The following SOX6 variants were observed in gnomAD, a reference collection of about 807,000 sequenced individuals.
SOX6 encodes the protein SRY-box transcription factor 6.
Under a neutral mutation model 97.8 loss-of-function variants are expected in SOX6, and 11 were observed. The observed-to-expected ratio is 0.11, with a 90% CI of 0.07 to 0.19. The LOEUF is 0.19. Among genes scored for constraint, SOX6 ranks in the 10% least tolerant of loss-of-function variants. SOX6 has a pLI of 1.00. For missense variants in SOX6, 810 were observed against 1,039.5 expected (o/e 0.78, Z 3.04); for synonymous variants, 360 against 371.4 (o/e 0.97, Z 0.35).
intron 6 of SOX6, among the ~76,000 whole-genome samples, chr11:16,119,389 C>A (rs992371972): frequency 6.6e-6 from 1 of 152,166 alleles, no homozygotes; most frequent in African/African-American, 2.4e-5. Context: ...TACTCTGCTT[C>A]GCCCTTCCTT....
intron 13 of SOX6, among the ~76,000 whole-genome samples, chr11:16,000,809 A>G (rs1854384620): frequency 6.6e-6 from 1 of 152,134 alleles, no homozygotes; most frequent in Non-Finnish European, 1.5e-5. Context: ...CACATAAAAA[A>G]TTCCATTGGG....
chr11:16,127,448 A>G (rs77761309), intron 6 of SOX6, among the ~76,000 whole-genome samples: 3,633 of 152,172 alleles, frequency 0.024, 144 homozygotes, highest in African/African-American at 0.083. Flanking sequence ...ATTATGCTCA[A>G]ATATAACAAA....
At chr11:16,638,355 G>A (rs548392383) in intron 3 of SOX6, among the ~76,000 whole-genome samples, 33 of 152,084 alleles carry the variant, frequency 2.2e-4, no homozygotes, top group African/African-American at 6.5e-4. Context: ...GAATAGTGCC[G>A]CAATAAACAT....
At chr11:16,131,909 A>G (rs1849750158) in intron 6 of SOX6, among the ~76,000 whole-genome samples, 1 of 152,002 alleles carries the variant, frequency 6.6e-6, no homozygotes, top group African/African-American at 2.4e-5. Flanking sequence ...CAGGGTTTCA[A>G]TGGGGGATGC....
rs1461215687 is a variant in SOX6, at chr11:16,121,480, C to A, written c.778-9557G>T. 8.6e-5 allele frequency among the ~76,000 whole-genome samples: 13 copies of A among 151,992 alleles called. No homozygotes were observed. The South Asian group carries it at 2.7e-3, about 31-fold the overall frequency. Reference sequence around the variant, plus strand: ...GCTGGGCAGTAGAAATATAAAAGTGCCTTAAAGACATCTATAGCCTTGTTT... The same window carrying A: ...GCTGGGCAGTAGAAATATAAAAGTGACTTAAAGACATCTATAGCCTTGTTT... On this transcript the variant is annotated intron_variant, in intron 6 of 15. Transcript: ENST00000683767.
intron 1 of SOX6, among the ~76,000 whole-genome samples, chr11:16,474,518 C>T (rs1357633597): frequency 6.6e-6 from 1 of 152,192 alleles, no homozygotes; most frequent in African/African-American, 2.4e-5. Flanking sequence ...TCTCCATGTA[C>T]ATCTCCATCT....
chr11:16,468,773 G>A (rs189435157), intron 1 of SOX6, among the ~76,000 whole-genome samples: 46 of 152,250 alleles, frequency 3.0e-4, no homozygotes, highest in Non-Finnish European at 2.8e-4. Context: ...TGAAATTAGC[G>A]AAGATGAAAC....
At chr11:15,974,039 A>C (rs1235831345) in intron 15 of SOX6, among the ~76,000 whole-genome samples, 1 of 152,210 alleles carries the variant, frequency 6.6e-6, no homozygotes, top group African/African-American at 2.4e-5. Context: ...TGGCGAAAAT[A>C]TTATTTTCAT....
intron 3 of SOX6, among the ~76,000 whole-genome samples, chr11:16,624,184 T>TTTTATTTTATTTA (rs1554979377): frequency 1.2e-4 from 17 of 147,330 alleles, no homozygotes; most frequent in African/African-American, 4.2e-4. Context: ...TATTTTTTTA[T>TTTTATTTTATTTA]TTTATTTATT....
intron 4 of SOX6, among the ~76,000 whole-genome samples, chr11:16,604,708 C>G (rs1419616604): frequency 6.6e-6 from 1 of 152,252 alleles, no homozygotes; most frequent in African/African-American, 2.4e-5. Context: ...ATCTCGCTAA[C>G]AGCCCAGCCC....
intron 2 of SOX6, among the ~76,000 whole-genome samples, chr11:16,337,278 C>A (rs1378625164): frequency 6.6e-6 from 1 of 152,052 alleles, no homozygotes; most frequent in Admixed American, 6.6e-5. Context: ...AGTAGCTATA[C>A]ATAATTTGCA....
At chr11:16,645,302 T>G (rs1848996413) in intron 3 of SOX6, among the ~76,000 whole-genome samples, 1 of 152,256 alleles carries the variant, frequency 6.6e-6, no homozygotes, top group South Asian at 2.1e-4. Context: ...ACCCGTTGTT[T>G]CACCACTACA....
chr11:16,711,560 A>G (rs1292488746), intron 3 of SOX6, among the ~76,000 whole-genome samples: 1 of 152,160 alleles, frequency 6.6e-6, no homozygotes, highest in Non-Finnish European at 1.5e-5. Flanking sequence ...TTTAAGATAA[A>G]ATCTTAAAAT....
At chr11:16,145,471 A>G (rs962852575) in intron 6 of SOX6, among the ~76,000 whole-genome samples, 4 of 152,180 alleles carry the variant, frequency 2.6e-5, no homozygotes, top group African/African-American at 9.7e-5. Flanking sequence ...CACCACTCCT[A>G]TTCAACACAA....
At chr11:16,420,261 A>T (rs559151469) in intron 1 of SOX6, among the ~76,000 whole-genome samples, 1 of 152,286 alleles carries the variant, frequency 6.6e-6, no homozygotes, top group East Asian at 1.9e-4. Context: ...TTTAAAGGGA[A>T]GGTACATTTA....
chr11:16,109,903 C>T (rs1049735832), intron 7 of SOX6, among the ~76,000 whole-genome samples: 5 of 152,148 alleles, frequency 3.3e-5, no homozygotes, highest in Admixed American at 1.3e-4. Context: ...GTTTGGCCAA[C>T]ATAATCAAAT....
intron 4 of SOX6, among the ~76,000 whole-genome samples, chr11:16,234,017 AAAAAG>A (rs1397040954): frequency 2.0e-5 from 3 of 151,386 alleles, no homozygotes; most frequent in African/African-American, 4.8e-5. Context: ...AAAAAAAAAA[AAAAAG>A]AAAAGAAAAG....
intron 3 of SOX6, among the ~76,000 whole-genome samples, chr11:16,632,394 A>C (rs1218722796): frequency 2.0e-5 from 3 of 152,084 alleles, no homozygotes; most frequent in Non-Finnish European, 4.4e-5. Context: ...AGTAGATGGC[A>C]CTTATCAATA....
chr11:16,562,609 A>G (rs535035014), intron 4 of SOX6, among the ~76,000 whole-genome samples: 1 of 151,748 alleles, frequency 6.6e-6, no homozygotes, highest in South Asian at 2.1e-4. Flanking sequence ...GGTACCCAAT[A>G]CCCACCCCCG....
Sources: gnomAD v4.1 joint callset for allele counts (sites outside exome capture counted in the v4.1 genomes callset) on GRCh38, gnomAD v4.1.1 for gene constraint, MANE v1.5 for transcripts, NCBI Gene and HGNC (gene_info 2026-07-23, HGNC 2026-07-21) for gene names.